The following DNAJC5B variants were observed in gnomAD, a reference collection of about 807,000 sequenced individuals.
DNAJC5B encodes the protein dnaJ homolog subfamily C member 5B.
DNAJC5B carries 23 observed loss-of-function variants against 24.7 expected under a neutral mutation model. The ratio of observed to expected loss-of-function variants is 0.93; its 90% CI spans 0.67 to 1.32. DNAJC5B has a LOEUF of 1.32. Ranked by LOEUF, DNAJC5B falls within the 40% of genes most tolerant of loss-of-function variation. DNAJC5B has a pLI of 0.00. For synonymous variants in DNAJC5B, 101 were observed against 90.1 expected, an observed-to-expected ratio of 1.12 and a Z score of -0.68; for missense variants, 238 against 240.8, an observed-to-expected ratio of 0.99 and a Z score of 0.08.
At chr8:66,085,977 C>A (rs190873892) in intron 5 of DNAJC5B, among the ~76,000 whole-genome samples, 1 of 152,218 alleles carries the variant, frequency 6.6e-6, no homozygotes, top group East Asian at 1.9e-4. Context: ...CTTTCATGAA[C>A]ATTTTGTAGT....
At chr8:66,086,148 G>C (rs760580923) in intron 5 of DNAJC5B, among the ~76,000 whole-genome samples, 3 of 152,096 alleles carry the variant, frequency 2.0e-5, no homozygotes, top group Non-Finnish European at 4.4e-5. Context: ...CCATGTCTTT[G>C]CTAAACTCAT....
At chr8:66,097,707 T>C (rs563671742) in intron 5 of DNAJC5B, among the ~76,000 whole-genome samples, 1 of 152,192 alleles carries the variant, frequency 6.6e-6, no homozygotes, top group South Asian at 2.1e-4. Flanking sequence ...ATTAAGAGGG[T>C]TTGTCAAAAA....
chr8:66,072,886 G>A (rs28396616), intron 3 of DNAJC5B, among the ~76,000 whole-genome samples: 32,297 of 151,894 alleles, frequency 0.21, 4,199 homozygotes, highest in African/African-American at 0.36. Context: ...ACATTAACAG[G>A]CCAAAAGAGA....
At chr8:66,061,233 A>T (rs1807073718) in intron 3 of DNAJC5B, among the ~76,000 whole-genome samples, 1 of 152,094 alleles carries the variant, frequency 6.6e-6, no homozygotes, top group Admixed American at 6.6e-5. Flanking sequence ...GTATGCTATG[A>T]CTGAGCCTGT....
intron 5 of DNAJC5B, among the ~76,000 whole-genome samples, chr8:66,089,610 T>C (rs1807802094): frequency 6.6e-6 from 1 of 152,328 alleles, no homozygotes. Flanking sequence ...ACTCCTTGAC[T>C]CTAGCTAAAG....
intron 3 of DNAJC5B, among the ~76,000 whole-genome samples, chr8:66,053,839 G>A (rs1806905434): frequency 6.6e-6 from 1 of 151,970 alleles, no homozygotes; most frequent in Admixed American, 6.6e-5. Context: ...ATGTTGGTCA[G>A]GCTGGTCTCT....
intron 3 of DNAJC5B, among the ~76,000 whole-genome samples, chr8:66,073,048 G>A (rs1010119593): frequency 6.6e-6 from 1 of 151,912 alleles, no homozygotes; most frequent in Non-Finnish European, 1.5e-5. Flanking sequence ...GTACAATAAG[G>A]GAAGAAATGT....
chr8:66,018,383 T>TG (rs71713232), upstream of DNAJC5B, among the ~76,000 whole-genome samples: 125 of 150,738 alleles, frequency 8.3e-4, no homozygotes, highest in East Asian at 5.8e-3. Flanking sequence ...CTGGGCGTGG[T>TG]GGGGGGGGTG....
intron 5 of DNAJC5B, among the ~76,000 whole-genome samples, chr8:66,086,371 G>T (rs1235538603): frequency 2.0e-5 from 3 of 151,954 alleles, no homozygotes; most frequent in Admixed American, 6.6e-5. Flanking sequence ...TTTGAATAAG[G>T]TACCTCACAT....
At chr8:66,061,622 T>C (rs1384479442) in intron 3 of DNAJC5B, among the ~76,000 whole-genome samples, 1 of 151,868 alleles carries the variant, frequency 6.6e-6, no homozygotes, top group East Asian at 1.9e-4. Context: ...TGTGTGTGTG[T>C]GTGTGTGTGT....
intron 3 of DNAJC5B, among the ~76,000 whole-genome samples, chr8:66,053,438 A>G (rs1407798747): frequency 6.6e-6 from 1 of 152,230 alleles, no homozygotes; most frequent in East Asian, 1.9e-4. Flanking sequence ...GCAAAAAAAA[A>G]TGTTGAGTAC....
intron 5 of DNAJC5B, among the ~76,000 whole-genome samples, chr8:66,081,835 G>GAAGCCTTTTATT (rs1807602753): frequency 6.6e-6 from 1 of 152,060 alleles, no homozygotes. Context: ...TTTTATTACT[G>GAAGCCTTTTATT]ACCTTGAAGC....
chr8:66,074,503 G>T, intron 3 of DNAJC5B, among the ~76,000 whole-genome samples: 1 of 152,200 alleles, frequency 6.6e-6, no homozygotes, highest in East Asian at 1.9e-4. Context: ...GGCATTGAAT[G>T]CTATTTCTAA....
chr8:66,089,538 T>C (rs975361501), intron 5 of DNAJC5B, among the ~76,000 whole-genome samples: 7 of 152,232 alleles, frequency 4.6e-5, no homozygotes, highest in African/African-American at 1.7e-4. Flanking sequence ...TTAACAATTC[T>C]AATTATGTAT....
chr8:66,023,543 G>A (rs950811152), intron 1 of DNAJC5B, among the ~76,000 whole-genome samples: 4 of 152,146 alleles, frequency 2.6e-5, no homozygotes, highest in African/African-American at 9.7e-5. Context: ...CAATTTACCA[G>A]ATTTTTACTT....
Position 66,023,424 on chromosome 8 carries a change from A to T in DNAJC5B, c.-142+1719A>T, listed in dbSNP as rs144342060. Among the ~76,000 whole-genome samples, 1,290 of 152,358 alleles carry T rather than the reference A, an allele frequency of 8.5e-3. 13 individuals are homozygous for T. The highest frequency in any genetic ancestry group is 0.014 in the Middle Eastern group (4 of 294). On this transcript the variant is annotated intron_variant, in intron 1 of 5. Transcript: ENST00000276570. Reference sequence around the variant, plus strand: ...GACAAGAAAAAGCACTGAAGACCCCATTCAAAACACTGAGATAACAGTGAA... The same window carrying T: ...GACAAGAAAAAGCACTGAAGACCCCTTTCAAAACACTGAGATAACAGTGAA...
intron 5 of DNAJC5B, among the ~76,000 whole-genome samples, chr8:66,089,821 G>T (rs1297080374): frequency 6.6e-6 from 1 of 152,086 alleles, no homozygotes; most frequent in Non-Finnish European, 1.5e-5. Context: ...GTATTCACTG[G>T]CAACTACAGA....
intron 4 of DNAJC5B, among the ~76,000 whole-genome samples, chr8:66,077,763 G>C (rs1807503370): frequency 6.6e-6 from 1 of 152,172 alleles, no homozygotes; most frequent in African/African-American, 2.4e-5. Context: ...TATGTATGCA[G>C]GAAGACAGAG....
At chr8:66,021,466 G>A (rs1207713585), upstream of DNAJC5B, 1 of 152,242 alleles carries the variant, frequency 6.6e-6, no homozygotes, top group Non-Finnish European at 1.5e-5. Flanking sequence ...GCCTCAGCTG[G>A]ACCATCTGGA....
Sources: gnomAD v4.1 joint callset for allele counts (sites outside exome capture counted in the v4.1 genomes callset) on GRCh38, gnomAD v4.1.1 for gene constraint, MANE v1.5 for transcripts, NCBI Gene and HGNC (gene_info 2026-07-23, HGNC 2026-07-21) for gene names.